Variants in ZFHX3 observed in about 807,000 individuals in gnomAD.
ZFHX3 encodes zinc finger homeobox 3.
In ZFHX3, 42 loss-of-function variants were observed where a neutral mutation model predicts 279.1. The ratio of observed to expected loss-of-function variants is 0.15; its 90% confidence interval spans 0.12 to 0.19. The LOEUF is 0.19. Ranked by LOEUF, ZFHX3 falls within the 10% of genes least tolerant of loss-of-function variation. ZFHX3 has a pLI of 1.00. For missense variants in ZFHX3, 4,981 were observed against 4,754.0 expected (o/e 1.05, Z -1.40); for synonymous variants, 2,293 against 1,957.8 (o/e 1.17, Z -4.52).
intron 3 of ZFHX3, among the ~76,000 whole-genome samples, chr16:72,919,840 C>A (rs1229220887): frequency 9.0e-6 from 1 of 110,778 alleles, no homozygotes; most frequent in East Asian, 3.2e-4. Context: ...GTTGCCAGGG[C>A]TGGAGTGCAG....
intron 1 of ZFHX3, among the ~76,000 whole-genome samples, chr16:72,961,166 T>C (rs1178818511): frequency 6.6e-6 from 1 of 152,124 alleles, no homozygotes; most frequent in Non-Finnish European, 1.5e-5. Context: ...CCCACGTGCC[T>C]GGTGGTTTTT....
At chr16:72,828,248 A>G (rs1268233807) in intron 5 of ZFHX3, among the ~76,000 whole-genome samples, 1 of 152,222 alleles carries the variant, frequency 6.6e-6, no homozygotes, top group African/African-American at 2.4e-5. Flanking sequence ...TAATAATGGT[A>G]GTAAGAATTA....
At chr16:73,441,333 T>C (rs192993298) in intron 3 of ZFHX3, among the ~76,000 whole-genome samples, 1 of 152,286 alleles carries the variant, frequency 6.6e-6, no homozygotes, top group African/African-American at 2.4e-5. Flanking sequence ...TTTTTATACA[T>C]TCCCCCTCCT....
intron 2 of ZFHX3, among the ~76,000 whole-genome samples, chr16:73,665,908 C>T (rs770928195): frequency 4.7e-5 from 7 of 148,210 alleles, no homozygotes; most frequent in East Asian, 2.0e-4. Context: ...GTCTGCCTCC[C>T]GGGTTCATGC....
At chr16:73,604,919 A>T (rs905406468) in intron 2 of ZFHX3, among the ~76,000 whole-genome samples, 1 of 151,622 alleles carries the variant, frequency 6.6e-6, no homozygotes, top group Non-Finnish European at 1.5e-5. Flanking sequence ...AAGAAAGTCC[A>T]TTTTTTTTCA....
At chr16:73,359,597 C>T (rs1597300290) in intron 3 of ZFHX3, among the ~76,000 whole-genome samples, 1 of 152,140 alleles carries the variant, frequency 6.6e-6, no homozygotes, top group Non-Finnish European at 1.5e-5. Context: ...GTCTGTGAGC[C>T]CAGAGGCATT....
chr16:73,143,512 G>A (rs1291551920), intron 6 of ZFHX3, among the ~76,000 whole-genome samples: 1 of 152,152 alleles, frequency 6.6e-6, no homozygotes, highest in African/African-American at 2.4e-5. Flanking sequence ...CTGTTGTCTT[G>A]CAGCAAACCC....
At chr16:73,083,591 G>A (rs550400797) in intron 8 of ZFHX3, among the ~76,000 whole-genome samples, 1 of 152,242 alleles carries the variant, frequency 6.6e-6, no homozygotes, top group South Asian at 2.1e-4. Flanking sequence ...GTACAGTGGT[G>A]CAATCTTGGC....
At chr16:73,301,970 C>T (rs2015066898) in intron 4 of ZFHX3, among the ~76,000 whole-genome samples, 1 of 152,060 alleles carries the variant, frequency 6.6e-6, no homozygotes, top group Admixed American at 6.5e-5. Flanking sequence ...ATGCAAGCCA[C>T]AAACCCACGC....
At chr16:73,036,130 A>T (rs1339184880) in intron 1 of ZFHX3, among the ~76,000 whole-genome samples, 1 of 152,154 alleles carries the variant, frequency 6.6e-6, no homozygotes, top group African/African-American at 2.4e-5. Context: ...GCGCGCGCAT[A>T]GACAGACTCT....
chr16:72,876,738 A>AT (rs201217527), intron 4 of ZFHX3, among the ~76,000 whole-genome samples: 1,742 of 152,202 alleles, frequency 0.011, 43 homozygotes, highest in African/African-American at 0.04. Context: ...CTGCTTTTCA[A>AT]TTTTTTTCCC....
intron 2 of ZFHX3, among the ~76,000 whole-genome samples, chr16:72,953,676 G>T (rs919137204): frequency 2.6e-5 from 4 of 152,060 alleles, no homozygotes; most frequent in African/African-American, 7.2e-5. Context: ...GGCCACCAAG[G>T]CTCAAGTGAA....
At chr16:73,494,104 G>A (rs773545321) in intron 2 of ZFHX3, among the ~76,000 whole-genome samples, 1 of 151,960 alleles carries the variant, frequency 6.6e-6, no homozygotes, top group Non-Finnish European at 1.5e-5. Context: ...GTCGCTTCCC[G>A]GTAGGTGCAG....
chr16:73,128,982 T>C (rs1966623278), intron 7 of ZFHX3, among the ~76,000 whole-genome samples: 1 of 152,162 alleles, frequency 6.6e-6, no homozygotes. Flanking sequence ...GGCATTACAC[T>C]GAGCAAGTGC....
chr16:73,597,655 G>A (rs1256084845), intron 2 of ZFHX3, among the ~76,000 whole-genome samples: 1 of 152,148 alleles, frequency 6.6e-6, no homozygotes, highest in Non-Finnish European at 1.5e-5. Context: ...ACAAGCCAAG[G>A]ATGGCCAAGG....
chr16:72,964,240 T>C (rs1365619652), intron 1 of ZFHX3, among the ~76,000 whole-genome samples: 2 of 152,122 alleles, frequency 1.3e-5, no homozygotes, highest in African/African-American at 2.4e-5. Context: ...AAGCAATGCA[T>C]GGAGATTTAA....
intron 3 of ZFHX3, among the ~76,000 whole-genome samples, chr16:72,925,785 G>A (rs1030571520): frequency 2.0e-5 from 3 of 152,236 alleles, no homozygotes; most frequent in Non-Finnish European, 2.9e-5. Context: ...ACTGCCCAGA[G>A]GGGCTGGAAC....
chr16:73,073,057 C>T (rs1053624979), intron 8 of ZFHX3, among the ~76,000 whole-genome samples: 4 of 151,258 alleles, frequency 2.6e-5, no homozygotes, highest in Non-Finnish European at 4.4e-5. Flanking sequence ...CCACAATGCC[C>T]GGCTAATTTT....
At chr16:73,235,614 G>T (rs2012919890) in intron 5 of ZFHX3, among the ~76,000 whole-genome samples, 1 of 152,126 alleles carries the variant, frequency 6.6e-6, no homozygotes. Flanking sequence ...GCCATGTGTT[G>T]CCTGATCTTC....
Sources: gnomAD v4.1 joint callset for allele counts (sites outside exome capture counted in the v4.1 genomes callset) on GRCh38, gnomAD v4.1.1 for gene constraint, MANE v1.5 for transcripts, NCBI Gene and HGNC (gene_info 2026-07-23, HGNC 2026-07-21) for gene names.